STAU2: variants seen among roughly 807,000 people sequenced by gnomAD.
STAU2 encodes staufen double-stranded RNA binding protein 2.
STAU2 carries 20 observed loss-of-function variants against 65.9 expected under a neutral mutation model. The observed-to-expected ratio is 0.30, with a 90% confidence interval of 0.21 to 0.44. The LOEUF (loss-of-function observed/expected upper bound fraction) is 0.44. Among genes scored for constraint, STAU2 ranks in the 20% least tolerant of loss-of-function variants. The pLI is 1.00. For synonymous variants in STAU2, 232 were observed against 233.9 expected (o/e 0.99, Z 0.07); for missense variants, 558 against 683.9 (o/e 0.82, Z 2.05).
chr8:73,504,073 AATAG>A (rs1211799716), intron 13 of STAU2, among the ~76,000 whole-genome samples: 1 of 152,152 alleles, frequency 6.6e-6, no homozygotes, highest in Non-Finnish European at 1.5e-5. Context: ...AAAACCTTTG[AATAG>A]CACACTTTGA....
chr8:73,610,538 CAAAAAAAAA>C (rs59599554), intron 9 of STAU2, among the ~76,000 whole-genome samples: 1 of 95,144 alleles, frequency 1.1e-5, no homozygotes. Flanking sequence ...GACCCCGTCT[CAAAAAAAAA>C]AAAAAAAAAA....
chr8:73,607,736 T>TG (rs1812135979), intron 9 of STAU2, among the ~76,000 whole-genome samples: 2 of 122,488 alleles, frequency 1.6e-5, no homozygotes, highest in African/African-American at 6.8e-5. Flanking sequence ...AAACTCCGTC[T>TG]CAAAAAAAAA....
At chr8:73,671,071 A>G (rs1179567687) in intron 6 of STAU2, among the ~76,000 whole-genome samples, 1 of 152,054 alleles carries the variant, frequency 6.6e-6, no homozygotes, top group African/African-American at 2.4e-5. Flanking sequence ...ATCAAAAAGG[A>G]TAACAAATAT....
chr8:73,550,492 T>C (rs1807256087), intron 13 of STAU2: 2 of 986,210 alleles, frequency 2.0e-6, no homozygotes, highest in Non-Finnish European at 2.4e-6. Context: ...TCTATAAGAA[T>C]GCAGTGTTAC....
At chr8:73,598,923 C>T (rs547637558) in intron 10 of STAU2, among the ~76,000 whole-genome samples, 3 of 152,080 alleles carry the variant, frequency 2.0e-5, no homozygotes, top group Admixed American at 6.5e-5. Flanking sequence ...AATCAAATAC[C>T]TATGATGTGC....
intron 13 of STAU2, among the ~76,000 whole-genome samples, chr8:73,526,370 T>G (rs1282180701): frequency 1.3e-5 from 2 of 152,196 alleles, no homozygotes; most frequent in African/African-American, 4.8e-5. Flanking sequence ...AATGAATGAA[T>G]AATGATTGGA....
intron 13 of STAU2, among the ~76,000 whole-genome samples, chr8:73,451,452 G>A (rs926959639): frequency 1.3e-5 from 2 of 151,976 alleles, no homozygotes; most frequent in African/African-American, 2.4e-5. Context: ...AAGCGGCTGG[G>A]TATAAAGACA....
At chr8:73,635,983 G>A (rs537474723) in intron 6 of STAU2, among the ~76,000 whole-genome samples, 4 of 146,558 alleles carry the variant, frequency 2.7e-5, no homozygotes, top group East Asian at 2.1e-4. Context: ...ATTTAGCTAC[G>A]AGATTAGAAT....
intron 13 of STAU2, among the ~76,000 whole-genome samples, chr8:73,437,221 G>A (rs760076203): frequency 2.6e-5 from 4 of 152,130 alleles, no homozygotes; most frequent in Admixed American, 6.5e-5. Context: ...ACCTGGCAAG[G>A]CAACTTTGCA....
intron 12 of STAU2, among the ~76,000 whole-genome samples, chr8:73,575,670 A>C (rs1271072913): frequency 1.3e-5 from 2 of 152,178 alleles, no homozygotes; most frequent in Non-Finnish European, 2.9e-5. Context: ...GTTAAGCTAA[A>C]ATAAAATGGG....
At chr8:73,612,579 C>T (rs1232255435) in intron 9 of STAU2, among the ~76,000 whole-genome samples, 1 of 152,044 alleles carries the variant, frequency 6.6e-6, no homozygotes, top group East Asian at 1.9e-4. Context: ...ACATATAATT[C>T]CAGTTCAGGG....
At chr8:73,471,456 G>GGGATTAC (rs1490430114) in intron 13 of STAU2, among the ~76,000 whole-genome samples, 191 of 150,834 alleles carry the variant, frequency 1.3e-3, no homozygotes, top group African/African-American at 4.2e-3. Flanking sequence ...CCAAAGTGCT[G>GGGATTAC]GGATTACAGG....
At chr8:73,699,081 C>A (rs527964114) in intron 4 of STAU2, among the ~76,000 whole-genome samples, 1 of 152,034 alleles carries the variant, frequency 6.6e-6, no homozygotes. Flanking sequence ...ACAATATGCT[C>A]CTGAATGACC....
intron 6 of STAU2, among the ~76,000 whole-genome samples, chr8:73,649,871 A>ATT (rs544068264): frequency 0.15 from 13,684 of 90,650 alleles, 1,703 homozygotes; most frequent in East Asian, 0.18. Context: ...ATATAATTTT[A>ATT]TATATATATA....
At chr8:73,442,165 G>A (rs939309020) in intron 13 of STAU2, among the ~76,000 whole-genome samples, 1 of 151,692 alleles carries the variant, frequency 6.6e-6, no homozygotes. Context: ...TCATCCTGGC[G>A]AACATGGTGA....
chr8:73,527,613 G>T, intron 13 of STAU2: 1 of 1,059,500 alleles, frequency 9.4e-7, no homozygotes, highest in Non-Finnish European at 1.4e-6. Flanking sequence ...CTGCATGTGC[G>T]CACATAGCTT....
At chr8:73,466,066 T>C (rs1475125843) in intron 13 of STAU2, among the ~76,000 whole-genome samples, 6 of 152,258 alleles carry the variant, frequency 3.9e-5, no homozygotes, top group African/African-American at 1.4e-4. Context: ...TGTAGGGTCA[T>C]GCCCAGATGC....
chr8:73,615,632 C>T (rs1449561835), intron 8 of STAU2, 43 bp downstream of exon 8: 1 of 1,479,440 alleles, frequency 6.8e-7, no homozygotes, highest in Non-Finnish European at 9.4e-7. Flanking sequence ...TTAAAATAAC[C>T]ACAGCAAGGG....
chr8:73,472,132 TG>T (rs1157473791), intron 13 of STAU2, among the ~76,000 whole-genome samples: 1 of 151,998 alleles, frequency 6.6e-6, no homozygotes, highest in Non-Finnish European at 1.5e-5. Flanking sequence ...GTACTAGAAT[TG>T]GGTGGAGAGG....
Sources: allele counts gnomAD v4.1 joint callset (sites outside exome capture counted in the v4.1 genomes callset), GRCh38; gene constraint gnomAD v4.1.1; transcripts MANE v1.5; gene names NCBI Gene and HGNC (gene_info 2026-07-23, HGNC 2026-07-21).